MCM2: variants seen among roughly 807,000 people sequenced by gnomAD.
MCM2 encodes the protein DNA replication licensing factor MCM2.
A neutral mutation model predicts 86.4 loss-of-function variants in MCM2; 49 were observed. That is an observed-to-expected ratio of 0.57 (90% CI 0.45 to 0.72). The LOEUF (loss-of-function observed/expected upper bound fraction) is 0.72, where lower values mean the gene tolerates loss of function less well. MCM2 is among the 30% of genes least tolerant of loss of function. The pLI is 0.00. For synonymous variants in MCM2, 475 were observed against 484.6 expected (o/e 0.98, Z 0.26); for missense variants, 1,038 against 1,259.9 (o/e 0.82, Z 2.67).
Position 127,598,421 on chromosome 3 carries a change from G to A in MCM2, c.-46G>A, listed in dbSNP as rs747870474. ...GGGTCACGTGAACCACTTTTCGCGCGAAACCTGGTTGTTGCTGTAGTGGCG... is the reference window on the plus strand; with the variant it reads ...GGGTCACGTGAACCACTTTTCGCGCAAAACCTGGTTGTTGCTGTAGTGGCG... On this transcript the variant is annotated 5_prime_UTR_variant, in exon 1 of 16. Coordinates refer to ENST00000265056, the MANE Select transcript of MCM2 (RefSeq NM_004526.4). The A allele has an allele frequency of 8.1e-6, 13 of 1,613,344 alleles. No homozygotes were observed. The highest frequency in any genetic ancestry group is 1.0e-5 in the Non-Finnish European group (12 of 1,179,534).
chr3:127,618,117 G>A lies in MCM2; in HGVS notation c.2013+36G>A. The A allele has an allele frequency of 6.4e-7, 1 of 1,568,020 alleles. No homozygotes were observed. Among genetic ancestry groups the A allele is most frequent in the African/African-American group, 1.3e-5 (1 of 74,118 alleles). ...CATGTGCCCGGTTTCCATGAACTGTGGTTTGGGGACCTCAGGTGAGGCTTG... is the reference window on the plus strand; with the variant it reads ...CATGTGCCCGGTTTCCATGAACTGTAGTTTGGGGACCTCAGGTGAGGCTTG... On this transcript the variant is annotated intron_variant, in intron 12 of 15. Transcript: ENST00000265056. The surrounding 1 kb of genome is among the most constrained non-coding windows in gnomAD (Gnocchi z 4.0).
chr3:127,621,406 G>A (rs1559868803), intron 15 of MCM2, among the ~76,000 whole-genome samples, 178 bp downstream of exon 15: 1 of 152,210 alleles, frequency 6.6e-6, no homozygotes, highest in South Asian at 2.1e-4. Flanking sequence ...CAGCAGGGGA[G>A]TGAGGTGAGT....
intron 2 of MCM2, among the ~76,000 whole-genome samples, chr3:127,600,023 T>C (rs1308850148): frequency 2.0e-5 from 3 of 152,256 alleles, no homozygotes; most frequent in Non-Finnish European, 2.9e-5. Flanking sequence ...CTCACACCTG[T>C]AATCCCAGCA....
rs776421182 is a variant in MCM2 at position 127,620,819 on chromosome 3, G to A, written c.2387G>A (p.Arg796His). ...VIEDDVNMAI[R>H]VMLESFIDTQ... ...GAAGACGACGTCAACATGGCCATCCGCGTGATGCTGGAGAGCTTCATAGAC... is the reference window on the plus strand; with the variant it reads ...GAAGACGACGTCAACATGGCCATCCACGTGATGCTGGAGAGCTTCATAGAC... Residue 796 changes from arginine to histidine, a missense_variant, in exon 14 of 16, where the codon CGC (arginine) becomes CAC (histidine). Physicochemically the swap from Arg to His is conservative, Grantham distance 29 (BLOSUM62 0). Around this residue, in one of 4 missense-constraint regions of MCM2, gnomAD observed 336 missense variants for 425.7 expected, o/e 0.79. Coordinates refer to ENST00000265056, the MANE Select transcript of MCM2 (RefSeq NM_004526.4). The A allele has an allele frequency of 5.1e-5, 83 of 1,613,908 alleles. No individual in the cohort carries two copies. Among genetic ancestry groups the A allele is most frequent in the East Asian group, 6.7e-5 (3 of 44,902 alleles).
In MCM2 at chr3:127,598,441, G is replaced by A. The variant is rs1427333393; in HGVS notation, c.-26G>A. 1 of 1,613,522 alleles carries A rather than the reference G, an allele frequency of 6.2e-7. No homozygotes were observed. The highest frequency in any genetic ancestry group is 8.5e-7 in the Non-Finnish European group (1 of 1,179,600). On this transcript the variant is annotated 5_prime_UTR_variant, in exon 1 of 16. It adds an upstream start codon to the 5' untranslated region. Transcript: ENST00000265056. The stretch of plus-strand genomic sequence containing the variant: ...CGCGCGAAACCTGGTTGTTGCTGTA[G>A]TGGCGGAGAGGATCGTGGTACTGCT...
At position 127,606,394 on chromosome 3, in the gene MCM2, C is replaced by A; in HGVS notation, c.893+57C>A. 1.9e-6 allele frequency: 3 copies of A among 1,548,924 alleles called. No homozygotes were observed. The South Asian group carries it at 3.4e-5, about 17-fold the overall frequency. On this transcript the variant is annotated intron_variant, in intron 5 of 15. Transcript: ENST00000265056. This position sits in a 1 kb window ranked among gnomAD's most constrained non-coding sequence, Gnocchi z 4.2. ...CGAGCTCAGTGCTGGGTGACTCGGT[C>A]GTGATTCCTGAAGAGCGATTGTGGT... is the stretch of plus-strand genomic sequence containing the variant.
intron 2 of MCM2, among the ~76,000 whole-genome samples, chr3:127,601,869 T>C (rs2074308614): frequency 6.6e-6 from 1 of 152,236 alleles, no homozygotes; most frequent in Admixed American, 6.5e-5. Flanking sequence ...TGGCCATCCC[T>C]GCAGGTGTGA....
rs2074442649 is a variant in MCM2, at chr3:127,617,502, G to A, written c.1900+97G>A. Reference sequence around the variant, plus strand: ...CCACGGGGTCCCCAGGAGCCGATCTGAGGAAGTCATTGTGCAGCAGAGGGT... The same window carrying A: ...CCACGGGGTCCCCAGGAGCCGATCTAAGGAAGTCATTGTGCAGCAGAGGGT... On this transcript the variant is annotated intron_variant, in intron 11 of 15. Coordinates refer to ENST00000265056, the MANE Select transcript of MCM2 (RefSeq NM_004526.4). The surrounding 1 kb of genome is among the most constrained non-coding windows in gnomAD (Gnocchi z 4.1). 2.8e-6 allele frequency: 4 copies of A among 1,436,334 alleles called. No individual in the cohort carries two copies. The highest frequency in any genetic ancestry group is 3.7e-6 in the Non-Finnish European group (4 of 1,078,192). 89.0% of individuals were successfully genotyped at this position (1,436,334 alleles called of 1,614,324 possible). A position where few individuals can be genotyped will look rare whatever the true frequency, so the allele number is the denominator to read the frequency against.
At position 127,614,230 on chromosome 3, in the gene MCM2, A is replaced by G. The variant is rs1455525130; in HGVS notation, c.1429-1632A>G. Among the ~76,000 whole-genome samples, 9 of 152,298 alleles carry G rather than the reference A, an allele frequency of 5.9e-5. No homozygotes were observed. In the East Asian group the frequency reaches 1.5e-3, roughly 26 times the overall value. On this transcript the variant is annotated intron_variant, in intron 8 of 15. Coordinates refer to ENST00000265056, the MANE Select transcript of MCM2 (RefSeq NM_004526.4). ...TCCAGGCATGCCGTTTTTTTCTGTA[A>G]CTACATCAGTATGTATATGAAAAAG... is the stretch of plus-strand genomic sequence containing the variant.
chr3:127,598,786 C>G, intron 1 of MCM2: 1 of 466,284 alleles, frequency 2.1e-6, no homozygotes, highest in East Asian at 3.5e-5. Context: ...CACTACACTC[C>G]TTTAAACTTT....
At chr3:127,616,205 C>G (rs2074431320) in intron 9 of MCM2, among the ~76,000 whole-genome samples, 1 of 152,192 alleles carries the variant, frequency 6.6e-6, no homozygotes, top group Non-Finnish European at 1.5e-5. Flanking sequence ...TGAGTCTTTG[C>G]TTCTCTTCTA....
chr3:127,620,963 C>T (rs1304936120), intron 14 of MCM2, 83 bp downstream of exon 14: 22 of 1,568,998 alleles, frequency 1.4e-5, no homozygotes, highest in East Asian at 2.2e-5. Flanking sequence ...CTGGCCTGGA[C>T]GTGCACCCAG....
At chr3:127,619,707 G>A (rs746672658) in intron 13 of MCM2, among the ~76,000 whole-genome samples, 4 of 152,104 alleles carry the variant, frequency 2.6e-5, no homozygotes, top group African/African-American at 7.2e-5. Context: ...TGAAAGTTGG[G>A]TACAGTGATT....
rs2074438342 is a variant in MCM2, at chr3:127,617,034, C to G, written c.1689C>G (p.His563Gln). 2 of 1,614,094 alleles carry G rather than the reference C, an allele frequency of 1.2e-6. No homozygotes were observed. Among genetic ancestry groups the G allele is most frequent in the Non-Finnish European group, 8.5e-7 (1 of 1,180,058 alleles). The change falls in exon 10 of 16, where the codon CAC becomes CAG. Residue 563 changes from histidine to glutamine, a missense_variant. Coordinates refer to ENST00000265056, the MANE Select transcript of MCM2 (RefSeq NM_004526.4). The surrounding 1 kb of genome is among the most constrained non-coding windows in gnomAD (Gnocchi z 4.1). The part of the protein sequence containing the change: ...AVGLTAYVQR[H>Q]PVSREWTLEA... ...GCCTCACGGCGTATGTCCAGCGGCACCCTGTCAGCAGGGAGTGGACCTTGG... is the reference window on the plus strand; with the variant it reads ...GCCTCACGGCGTATGTCCAGCGGCAGCCTGTCAGCAGGGAGTGGACCTTGG...
At position 127,617,410 on chromosome 3, in the gene MCM2, A is replaced by G. The variant is rs1388713376; in HGVS notation, c.1900+5A>G. 1 of 1,612,880 alleles carries G rather than the reference A, an allele frequency of 6.2e-7. No homozygotes were observed. ...TTGCTGCCGCCAACCCCATAGGTGC[A>G]GCAGGCACCCTGACTGCTGGGGCTG... is the stretch of plus-strand genomic sequence containing the variant. On this transcript the variant is annotated splice_donor_5th_base_variant and intron_variant, in intron 11 of 15. Coordinates refer to ENST00000265056, the MANE Select transcript of MCM2 (RefSeq NM_004526.4). This position sits in a 1 kb window ranked among gnomAD's most constrained non-coding sequence, Gnocchi z 4.1.
chr3:127,600,876 CAAAA>C (rs1223033763), intron 2 of MCM2, among the ~76,000 whole-genome samples: 1 of 84,588 alleles, frequency 1.2e-5, no homozygotes, highest in Non-Finnish European at 2.6e-5. Flanking sequence ...TGTGGTTTTT[CAAAA>C]AAAAAAAAAA....
In MCM2 at chr3:127,604,648, G is replaced by C. The variant is rs199660068; in HGVS notation, c.277G>C (p.Glu93Gln). ...AIPELDAYEA[E>Q]GLALDDEDVE... The stretch of plus-strand genomic sequence containing the variant: ...CCCAGAGCTGGACGCCTATGAGGCC[G>C]AGGGACTGGCTCTGGATGATGAGGA... The change falls in exon 3 of 16, where the codon GAG becomes CAG. Residue 93 changes from glutamate to glutamine, a missense_variant. Physicochemically the swap from Glu to Gln is conservative, Grantham distance 29. Coordinates refer to ENST00000265056, the MANE Select transcript of MCM2 (RefSeq NM_004526.4). 3 of 1,613,168 alleles carry C rather than the reference G, an allele frequency of 1.9e-6. No homozygotes were observed. The highest frequency in any genetic ancestry group is 2.7e-5 in the African/African-American group (2 of 74,930).
Position 127,622,202 on chromosome 3 carries a change from A to T in MCM2, c.*429A>T, listed in dbSNP as rs1365448691. ...AGAGAGCTGGTTGAAGATGTTTGTA[A>T]TCGTTTTCAGTCTCCTGCAGGTTTC... On this transcript the variant is annotated 3_prime_UTR_variant, in exon 16 of 16. Coordinates refer to ENST00000265056, the MANE Select transcript of MCM2 (RefSeq NM_004526.4). The T allele has an allele frequency of 6.2e-6, 1 of 160,456 alleles. No homozygotes were observed. The highest frequency in any genetic ancestry group is 2.4e-5 in the African/African-American group (1 of 41,506). 9.9% of individuals were successfully genotyped at this position (160,456 alleles called of 1,614,324 possible). A position where few individuals can be genotyped will look rare whatever the true frequency, so the allele number is the denominator to read the frequency against.
intron 8 of MCM2, among the ~76,000 whole-genome samples, chr3:127,610,139 C>A (rs896267154): frequency 6.6e-6 from 1 of 152,096 alleles, no homozygotes; most frequent in East Asian, 1.9e-4. Flanking sequence ...GCACCACGCC[C>A]GGCCTTCAAG....
Sources: allele counts gnomAD v4.1 joint callset (sites outside exome capture counted in the v4.1 genomes callset), GRCh38; gene constraint gnomAD v4.1.1; regional missense constraint gnomAD v4.1.1; non-coding constraint Gnocchi (gnomAD v3.1); transcripts MANE v1.5; gene names NCBI Gene and HGNC (gene_info 2026-07-23, HGNC 2026-07-21).